UNC79: variants seen among roughly 807,000 people sequenced by gnomAD.
UNC79 encodes the protein protein unc-79 homolog.
A neutral mutation model predicts 283.1 loss-of-function variants in UNC79; 37 were observed. The observed-to-expected ratio is 0.13, with a 90% CI of 0.10 to 0.17. The LOEUF (loss-of-function observed/expected upper bound fraction) is 0.17. UNC79 is among the 10% of genes least tolerant of loss of function. The pLI is 1.00. For missense variants in UNC79, 2,272 were observed against 3,211.1 expected (o/e 0.71, Z 7.07); for synonymous variants, 1,107 against 1,200.2 (o/e 0.92, Z 1.61).
intron 1 of UNC79, among the ~76,000 whole-genome samples, chr14:93,353,795 T>C (rs897195997): frequency 6.6e-6 from 1 of 152,208 alleles, no homozygotes; most frequent in Non-Finnish European, 1.5e-5. Flanking sequence ...TGCTAGGAAC[T>C]GGATATTTAC....
rs1408867967 is a variant in UNC79, at chr14:93,531,387, G to A, written c.1094-1163G>A. 6.6e-6 allele frequency among the ~76,000 whole-genome samples: 1 copy of A among 152,172 alleles called. No homozygotes were observed. The highest frequency in any genetic ancestry group is 2.4e-5 in the African/African-American group (1 of 41,432). ...TTGTAACATAGACTATAAATAAGGTGTTAGTTCATTTTTTGAGTACATACT... is the reference window on the plus strand; with the variant it reads ...TTGTAACATAGACTATAAATAAGGTATTAGTTCATTTTTTGAGTACATACT... On this transcript the variant is annotated intron_variant, in intron 10 of 48. Transcript: ENST00000555664. This position sits in a 1 kb window ranked among gnomAD's most constrained non-coding sequence, Gnocchi z 4.2.
chr14:93,507,235 G>A (rs1220559839), intron 7 of UNC79, among the ~76,000 whole-genome samples: 1 of 152,038 alleles, frequency 6.6e-6, no homozygotes, highest in Non-Finnish European at 1.5e-5. Flanking sequence ...GTGGACTTAC[G>A]CATTTATTTC....
chr14:93,435,107 A>G (rs2056034152), intron 1 of UNC79, among the ~76,000 whole-genome samples: 1 of 152,230 alleles, frequency 6.6e-6, no homozygotes, highest in Non-Finnish European at 1.5e-5. Flanking sequence ...ATAGAAAAGT[A>G]CTTCTCCTTT....
chr14:93,582,969 T>G (rs2063925310), intron 20 of UNC79, among the ~76,000 whole-genome samples: 2 of 152,070 alleles, frequency 1.3e-5, no homozygotes. Flanking sequence ...ATATGAGACC[T>G]GGGGCAAATT....
chr14:93,407,549 T>C (rs1185604330), intron 1 of UNC79, among the ~76,000 whole-genome samples: 3 of 152,100 alleles, frequency 2.0e-5, no homozygotes, highest in Admixed American at 6.5e-5. Flanking sequence ...GGAAAATACA[T>C]CTGTTCTCTC....
intron 7 of UNC79, among the ~76,000 whole-genome samples, chr14:93,506,553 T>C (rs2059552843): frequency 6.6e-6 from 1 of 152,234 alleles, no homozygotes. Flanking sequence ...TATTACTCTT[T>C]TGAAGATAAA....
chr14:93,490,440 G>A (rs1017716661), intron 5 of UNC79, among the ~76,000 whole-genome samples: 5 of 152,084 alleles, frequency 3.3e-5, no homozygotes, highest in Non-Finnish European at 7.4e-5. Flanking sequence ...TACAGTATAA[G>A]CAGTCAGAAG....
intron 14 of UNC79, among the ~76,000 whole-genome samples, chr14:93,554,033 A>G (rs1359159790): frequency 6.6e-6 from 1 of 152,210 alleles, no homozygotes; most frequent in African/African-American, 2.4e-5. Flanking sequence ...GAGAGGACTC[A>G]GCTTTCTAAA....
chr14:93,674,149 A>G (rs2073134574), intron 41 of UNC79, among the ~76,000 whole-genome samples: 1 of 152,162 alleles, frequency 6.6e-6, no homozygotes, highest in Non-Finnish European at 1.5e-5. Context: ...CATGAGAGAA[A>G]GAGGTAAAAA....
intron 35 of UNC79, among the ~76,000 whole-genome samples, chr14:93,650,703 G>T (rs1252770775): frequency 2.0e-5 from 3 of 152,088 alleles, no homozygotes; most frequent in African/African-American, 7.2e-5. Flanking sequence ...TGTTAAGTAT[G>T]TTTTGAGAAT....
intron 14 of UNC79, among the ~76,000 whole-genome samples, chr14:93,549,555 A>G (rs1353066738): frequency 1.3e-5 from 2 of 152,248 alleles, no homozygotes; most frequent in South Asian, 2.1e-4. Context: ...TTTAATTTAT[A>G]TATGTTAAAA....
intron 7 of UNC79, among the ~76,000 whole-genome samples, chr14:93,515,241 A>C (rs1378234715): frequency 6.9e-6 from 1 of 145,932 alleles, no homozygotes; most frequent in African/African-American, 2.6e-5. Flanking sequence ...CACTTCTAGA[A>C]TTTCCATTTG....
At chr14:93,426,447 A>G (rs936136065), upstream of UNC79, among the ~76,000 whole-genome samples, 2 of 150,490 alleles carry the variant, frequency 1.3e-5, no homozygotes, top group Middle Eastern at 3.4e-3. Flanking sequence ...AAAATAATAT[A>G]TTAATATATT....
At chr14:93,650,286 T>G (rs2070106166) in intron 35 of UNC79, among the ~76,000 whole-genome samples, 2 of 152,190 alleles carry the variant, frequency 1.3e-5, no homozygotes, top group South Asian at 4.1e-4. Flanking sequence ...TAAAAGCCCT[T>G]TTTAAAACAA....
At chr14:93,653,960 T>G (rs758271186) in exon 37 of UNC79, 1 of 1,614,134 alleles carries the variant, frequency 6.2e-7, no homozygotes, top group Admixed American at 1.7e-5. Flanking sequence ...TTTACGGACC[T>G]TAGCCTCGTC....
chr14:93,604,920 A>T, intron 26 of UNC79: 1 of 1,586,474 alleles, frequency 6.3e-7, no homozygotes, highest in Non-Finnish European at 8.5e-7. Context: ...AGGCATGAGC[A>T]GTCTGCTCCA....
chr14:93,385,604 C>G (rs1226805709), intron 1 of UNC79, among the ~76,000 whole-genome samples: 1 of 151,960 alleles, frequency 6.6e-6, no homozygotes, highest in African/African-American at 2.4e-5. Context: ...CATGGTGAAA[C>G]CTCATCTCTA....
intron 1 of UNC79, among the ~76,000 whole-genome samples, chr14:93,453,138 A>G (rs936796624): frequency 6.6e-6 from 1 of 152,248 alleles, no homozygotes; most frequent in African/African-American, 2.4e-5. Context: ...CCACATAGCC[A>G]GACATTTAAG....
intron 34 of UNC79, among the ~76,000 whole-genome samples, 166 bp downstream of exon 37, chr14:93,643,863 G>A (rs913152828): frequency 1.6e-4 from 25 of 152,114 alleles, no homozygotes; most frequent in Non-Finnish European, 2.9e-4. Context: ...CTCGTCTTTC[G>A]ACTGAATTCT....
Sources: gnomAD v4.1 joint callset for allele counts (sites outside exome capture counted in the v4.1 genomes callset) on GRCh38, gnomAD v4.1.1 for gene constraint, Gnocchi (gnomAD v3.1) non-coding constraint, MANE v1.5 for transcripts, NCBI Gene and HGNC (gene_info 2026-07-23, HGNC 2026-07-21) for gene names.